Variants in ATF7 observed in about 807,000 individuals in gnomAD.
The protein encoded by ATF7 is cyclic AMP-dependent transcription factor ATF-7.
Under a neutral mutation model 50.4 loss-of-function variants are expected in ATF7, and 10 were observed. The observed-to-expected ratio is 0.20, with a 90% CI of 0.12 to 0.34. ATF7 has a LOEUF of 0.34. Among genes scored for constraint, ATF7 ranks in the 10% least tolerant of loss-of-function variants. ATF7 has a pLI of 1.00. For missense variants in ATF7, 465 were observed against 613.9 expected, an observed-to-expected ratio of 0.76 and a Z score of 2.56; for synonymous variants, 201 against 226.4, an observed-to-expected ratio of 0.89 and a Z score of 1.01.
intron 6 of ATF7, among the ~76,000 whole-genome samples, chr12:53,534,060 G>C (rs1939067820): frequency 6.6e-6 from 1 of 152,214 alleles, no homozygotes; most frequent in South Asian, 2.1e-4. Context: ...GGCGGATCAC[G>C]AGGTCAGGAG....
intron 1 of ATF7, among the ~76,000 whole-genome samples, chr12:53,608,500 G>A (rs1033700439): frequency 6.6e-6 from 1 of 152,022 alleles, no homozygotes; most frequent in Non-Finnish European, 1.5e-5. Flanking sequence ...TTACCTTCCA[G>A]GACCCATTTT....
Position 53,512,376 on chromosome 12 carries a change from G to C in ATF7, c.*4761C>G, listed in dbSNP as rs1189280554. ...AAAGGCCACCACTGGGCACTGGGGA[G>C]ACCCAGACCGAGTTGAGTTCCTTGA... is the stretch of plus-strand genomic sequence containing the variant. On this transcript the variant is annotated 3_prime_UTR_variant, in exon 12 of 12. Coordinates refer to ENST00000420353, the MANE Select transcript of ATF7 (RefSeq NM_006856.3). The C allele has an allele frequency of 6.6e-6, 1 of 152,250 alleles. No homozygotes were observed. Among genetic ancestry groups the C allele is most frequent in the African/African-American group, 2.4e-5 (1 of 41,458 alleles). 9.4% of individuals were successfully genotyped at this position (152,250 alleles called of 1,614,324 possible). A position where few individuals can be genotyped will look rare whatever the true frequency, so the allele number is the denominator to read the frequency against.
chr12:53,564,318 G>A (rs1406096544), intron 2 of ATF7, among the ~76,000 whole-genome samples: 1 of 152,230 alleles, frequency 6.6e-6, no homozygotes, highest in Non-Finnish European at 1.5e-5. Context: ...GGAGGGTGCA[G>A]TGAGCTGAGA....
intron 2 of ATF7, among the ~76,000 whole-genome samples, chr12:53,577,153 G>A (rs564564966): frequency 6.6e-6 from 1 of 152,270 alleles, no homozygotes; most frequent in Admixed American, 6.5e-5. Context: ...GGGCATGGTT[G>A]CATGTGTCTG....
intron 3 of ATF7, chr12:53,543,914 T>C (rs1427358575): frequency 6.4e-6 from 1 of 156,830 alleles, no homozygotes; most frequent in Non-Finnish European, 1.4e-5. Context: ...GAGGATCAGA[T>C]GGTTGAGTTT....
chr12:53,521,401 G>A (rs1938120278), intron 11 of ATF7, among the ~76,000 whole-genome samples: 2 of 152,150 alleles, frequency 1.3e-5, no homozygotes, highest in East Asian at 3.9e-4. Flanking sequence ...CTGCTATTAC[G>A]TCCCCTACTT....
rs184652988 is a variant in ATF7 at position 53,580,650 on chromosome 12, C to T, written c.48+20303G>A. On this transcript the variant is annotated intron_variant, in intron 2 of 11. Transcript: ENST00000420353. ...CTGAACTCTAGCCTGGGTGACAGAGCGAGACTCCATCTCAAAAAAAAAAAA... is the reference window on the plus strand; with the variant it reads ...CTGAACTCTAGCCTGGGTGACAGAGTGAGACTCCATCTCAAAAAAAAAAAA... Among the ~76,000 whole-genome samples the T allele has an allele frequency of 7.6e-3, 912 of 120,404 alleles. 6 individuals carry two copies. Among genetic ancestry groups the T allele is most frequent in the Middle Eastern group, 0.037 (6 of 162 alleles). 79.0% of individuals were successfully genotyped at this position (120,404 alleles called of 152,430 possible).
At chr12:53,550,944 C>A (rs981150084) in intron 3 of ATF7, among the ~76,000 whole-genome samples, 1 of 152,204 alleles carries the variant, frequency 6.6e-6, no homozygotes, top group Non-Finnish European at 1.5e-5. Context: ...TTTGGAATAA[C>A]CTCTCCAACT....
chr12:53,583,614 C>G (rs1017173223), intron 2 of ATF7, among the ~76,000 whole-genome samples: 5 of 151,956 alleles, frequency 3.3e-5, no homozygotes, highest in Non-Finnish European at 7.4e-5. Context: ...GGTGGGGGAC[C>G]ACTGACCTAG....
chr12:53,585,275 C>T (rs1168341682), intron 2 of ATF7, among the ~76,000 whole-genome samples: 1 of 152,084 alleles, frequency 6.6e-6, no homozygotes, highest in African/African-American at 2.4e-5. Context: ...TGTGCCCGGC[C>T]TCATTATATA....
chr12:53,561,326 CT>C (rs1211826902), intron 2 of ATF7, among the ~76,000 whole-genome samples: 1 of 41,686 alleles, frequency 2.4e-5, no homozygotes, highest in Non-Finnish European at 6.4e-5. Flanking sequence ...AAGACTGTCT[CT>C]TTAAAAAAAA....
At chr12:53,558,358 G>C (rs899569711) in intron 2 of ATF7, among the ~76,000 whole-genome samples, 3 of 152,144 alleles carry the variant, frequency 2.0e-5, no homozygotes, top group African/African-American at 7.2e-5. Flanking sequence ...AGTTGTGTTT[G>C]TTGAGAAACC....
intron 2 of ATF7, among the ~76,000 whole-genome samples, chr12:53,574,009 T>G (rs1231667155): frequency 6.6e-6 from 1 of 152,172 alleles, no homozygotes; most frequent in Non-Finnish European, 1.5e-5. Context: ...AGGGACGTAT[T>G]TACCAATTCC....
chr12:53,616,351 T>C (rs1279330419), intron 1 of ATF7, among the ~76,000 whole-genome samples: 1 of 152,026 alleles, frequency 6.6e-6, no homozygotes, highest in Non-Finnish European at 1.5e-5. Flanking sequence ...GCCTCCCAAG[T>C]AGCTAGGACT....
intron 1 of ATF7, among the ~76,000 whole-genome samples, chr12:53,619,675 G>A (rs183447811): frequency 8.9e-4 from 135 of 151,718 alleles, no homozygotes; most frequent in African/African-American, 3.1e-3. Flanking sequence ...AGATGGGCAC[G>A]GTGGCGCACA....
intron 1 of ATF7, among the ~76,000 whole-genome samples, chr12:53,622,816 T>A (rs1025509620): frequency 6.7e-6 from 1 of 149,844 alleles, no homozygotes; most frequent in East Asian, 2.0e-4. Context: ...CTACAAAAAA[T>A]TTAAAAATTA....
chr12:53,526,241 A>C (rs1226547956), intron 9 of ATF7, among the ~76,000 whole-genome samples: 1 of 149,552 alleles, frequency 6.7e-6, no homozygotes, highest in Non-Finnish European at 1.5e-5. Context: ...TACCAAGTGT[A>C]CCTGCTTCTC....
chr12:53,530,115 G>A (rs1261021894), intron 9 of ATF7, among the ~76,000 whole-genome samples: 1 of 152,164 alleles, frequency 6.6e-6, no homozygotes, highest in Non-Finnish European at 1.5e-5. Context: ...CAAGAGAGAA[G>A]GCAGCACAAC....
chr12:53,540,951 G>A (rs1161515072), intron 4 of ATF7, among the ~76,000 whole-genome samples: 1 of 151,950 alleles, frequency 6.6e-6, no homozygotes, highest in East Asian at 1.9e-4. Flanking sequence ...GGCTGGTCTC[G>A]AGCTCCTGAG....
Sources: allele counts gnomAD v4.1 joint callset (sites outside exome capture counted in the v4.1 genomes callset), GRCh38; gene constraint gnomAD v4.1.1; transcripts MANE v1.5; gene names NCBI Gene and HGNC (gene_info 2026-07-23, HGNC 2026-07-21).